The following NME9 variants were observed in gnomAD, a reference collection of about 807,000 sequenced individuals.
The protein encoded by NME9 is thioredoxin domain-containing protein 6.
In NME9, 48 loss-of-function variants were observed where a neutral mutation model predicts 44.4. The ratio of observed to expected loss-of-function variants is 1.08; its 90% CI spans 0.86 to 1.37. NME9 has a LOEUF of 1.37. NME9 is among the 40% of genes most tolerant of loss of function. The pLI is 0.00. For synonymous variants in NME9, 139 were observed against 147.1 expected (o/e 0.94, Z 0.40); for missense variants, 325 against 405.2 (o/e 0.80, Z 1.70).
At chr3:138,267,047 T>A in intron 8 of NME9, 1 of 633,878 alleles carries the variant, frequency 1.6e-6, no homozygotes, top group Non-Finnish European at 2.6e-6. Flanking sequence ...ATACGAAGAA[T>A]CAGGTTGAAA....
intron 3 of NME9, among the ~76,000 whole-genome samples, chr3:138,318,793 CAT>C (rs2053271411): frequency 6.6e-6 from 1 of 152,228 alleles, no homozygotes; most frequent in African/African-American, 2.4e-5. Context: ...CATTTCCATA[CAT>C]TCATCCAAAT....
chr3:138,297,016 C>T (rs1349423723), downstream of NME9: 1 of 152,196 alleles, frequency 6.6e-6, no homozygotes. Context: ...ATTCTACAGA[C>T]ACCCCTGTAG....
At chr3:138,287,383 G>A in intron 8 of NME9, among the ~76,000 whole-genome samples, 1 of 152,080 alleles carries the variant, frequency 6.6e-6, no homozygotes, top group East Asian at 1.9e-4. Context: ...TTAAGTCTCT[G>A]TTTAAGTATT....
At chr3:138,285,888 C>T (rs768150599) in intron 8 of NME9, among the ~76,000 whole-genome samples, 6 of 152,174 alleles carry the variant, frequency 3.9e-5, no homozygotes, top group Non-Finnish European at 8.8e-5. Flanking sequence ...AAAAGTTTTC[C>T]TTAACTTCTC....
chr3:138,267,453 A>G (rs1422372276), intron 8 of NME9, among the ~76,000 whole-genome samples: 1 of 152,242 alleles, frequency 6.6e-6, no homozygotes, highest in Non-Finnish European at 1.5e-5. Flanking sequence ...TATCTAACAT[A>G]TTCAGCTTAT....
intron 8 of NME9, among the ~76,000 whole-genome samples, chr3:138,293,409 C>T (rs139489382): frequency 3.3e-5 from 5 of 152,150 alleles, no homozygotes; most frequent in East Asian, 1.9e-4. Context: ...CATGGTAGTA[C>T]GTGCCTGTAG....
intron 1 of NME9, among the ~76,000 whole-genome samples, chr3:138,326,272 C>T (rs1025197325): frequency 6.6e-6 from 1 of 152,152 alleles, no homozygotes; most frequent in Non-Finnish European, 1.5e-5. Context: ...ACACAATTTC[C>T]ATCTGCCTGT....
downstream of NME9, chr3:138,300,926 G>A (rs900203356): frequency 6.5e-6 from 2 of 309,108 alleles, no homozygotes; most frequent in African/African-American, 4.5e-5. Flanking sequence ...GCATCAGTGT[G>A]CCTGGAAGTG....
At chr3:138,280,422 A>G (rs111770357) in intron 8 of NME9, among the ~76,000 whole-genome samples, 6,617 of 150,556 alleles carry the variant, frequency 0.044, 230 homozygotes, top group South Asian at 0.09. Context: ...GGTTCAGTCT[A>G]TTCTCGTGCC....
chr3:138,301,663 A>G lies in NME9; in HGVS notation c.970T>C (p.Cys324Arg). 3.9e-6 allele frequency: 6 copies of G among 1,536,146 alleles called. No homozygotes were observed. The highest frequency in any genetic ancestry group is 1.4e-5 in the African/African-American group (1 of 73,164). ...EATAGPTEAL[C>R]FPEDVD ...TCTCAATCCACATCCTCAGGAAAGC[A>G]AAGCGCCTCAGTGGGCCCCGCTGTT... Residue 324 changes from cysteine (C) to arginine (R), a missense_variant, in exon 11 of 11, where the codon TGC (cysteine) becomes CGC (arginine). By Grantham distance (180) the Cys-to-Arg change is radical. Transcript: ENST00000333911.
At chr3:138,317,312 A>G (rs116756279) in intron 4 of NME9, among the ~76,000 whole-genome samples, 1,695 of 152,342 alleles carry the variant, frequency 0.011, 30 homozygotes, top group African/African-American at 0.038. Context: ...TGAGGCCAGG[A>G]GGCTGAAGTT....
intron 4 of NME9, among the ~76,000 whole-genome samples, chr3:138,317,710 A>G (rs1695940503): frequency 6.6e-6 from 1 of 152,256 alleles, no homozygotes; most frequent in African/African-American, 2.4e-5. Flanking sequence ...TTTACGGAGC[A>G]AAGGATAGAA....
chr3:138,268,104 G>A (rs2048447485), intron 8 of NME9, among the ~76,000 whole-genome samples: 1 of 152,038 alleles, frequency 6.6e-6, no homozygotes, highest in Non-Finnish European at 1.5e-5. Context: ...TTAGCCGGGG[G>A]TGGTGGTGCA....
chr3:138,324,415 G>A (rs757068991), intron 2 of NME9: 1 of 454,270 alleles, frequency 2.2e-6, no homozygotes, highest in South Asian at 1.6e-5. Flanking sequence ...TGGGTAAATT[G>A]CTAAGTGCAA....
chr3:138,313,976 G>C (rs1313562427), intron 6 of NME9, among the ~76,000 whole-genome samples: 2 of 152,182 alleles, frequency 1.3e-5, no homozygotes, highest in African/African-American at 4.8e-5. Flanking sequence ...GAAGAAATCA[G>C]ACCTGGTATT....
At chr3:138,316,900 C>T (rs920467808) in intron 4 of NME9, among the ~76,000 whole-genome samples, 7 of 152,210 alleles carry the variant, frequency 4.6e-5, no homozygotes, top group Non-Finnish European at 7.3e-5. Context: ...CAGGTGTGAG[C>T]CACTGCACCC....
intron 3 of NME9, 98 bp from the exon 4 acceptor site, chr3:138,318,317 C>T: frequency 1.3e-6 from 1 of 789,258 alleles, no homozygotes; most frequent in Middle Eastern, 2.3e-4. Flanking sequence ...ACCCCCAGGA[C>T]TGACTTCCCC....
intron 8 of NME9, chr3:138,262,594 G>T: frequency 2.6e-6 from 4 of 1,538,140 alleles, no homozygotes; most frequent in South Asian, 1.3e-5. Context: ...CACCTGAGGA[G>T]ATTAAAAAAA....
At chr3:138,285,710 C>G (rs1198514320) in intron 8 of NME9, among the ~76,000 whole-genome samples, 1 of 152,166 alleles carries the variant, frequency 6.6e-6, no homozygotes, top group Admixed American at 6.5e-5. Flanking sequence ...AGCGTAAGTT[C>G]CATGAGGGCA....
Sources: allele counts gnomAD v4.1 joint callset (sites outside exome capture counted in the v4.1 genomes callset), GRCh38; gene constraint gnomAD v4.1.1; transcripts MANE v1.5; gene names NCBI Gene and HGNC (gene_info 2026-07-23, HGNC 2026-07-21).